Variants in NRXN1 observed in about 807,000 individuals in gnomAD.
The protein encoded by NRXN1 is neurexin 1.
NRXN1 carries 39 observed loss-of-function variants against 150.9 expected under a neutral mutation model. The ratio of observed to expected loss-of-function variants is 0.26; its 90% confidence interval spans 0.20 to 0.34. The LOEUF (loss-of-function observed/expected upper bound fraction) is 0.34. Among genes scored for constraint, NRXN1 ranks in the 10% least tolerant of loss-of-function variants. The pLI, the probability that NRXN1 is intolerant of heterozygous loss-of-function variation, is 1.00. For synonymous variants in NRXN1, 924 were observed against 757.0 expected, an observed-to-expected ratio of 1.22 and a Z score of -3.62; for missense variants, 1,815 against 1,949.9, an observed-to-expected ratio of 0.93 and a Z score of 1.30.
intron 19 of NRXN1, among the ~76,000 whole-genome samples, chr2:50,089,572 A>C (rs1479384614): frequency 1.3e-5 from 2 of 152,186 alleles, no homozygotes; most frequent in Admixed American, 6.5e-5. Flanking sequence ...AGATCACTTA[A>C]GGTCAGGTGT....
intron 8 of NRXN1, among the ~76,000 whole-genome samples, chr2:50,559,632 A>C (rs12713108): frequency 0.41 from 63,008 of 151,912 alleles, 15,018 homozygotes; most frequent in African/African-American, 0.66. Flanking sequence ...CCTACACACA[A>C]CCAGAGTTTA....
chr2:50,093,368 C>A (rs918928374), intron 18 of NRXN1, among the ~76,000 whole-genome samples: 2 of 150,874 alleles, frequency 1.3e-5, no homozygotes, highest in African/African-American at 4.9e-5. Context: ...ATAATCCCAG[C>A]AGTTTGGGAG....
At chr2:50,333,568 G>T (rs2076968245) in intron 17 of NRXN1, among the ~76,000 whole-genome samples, 1 of 151,972 alleles carries the variant, frequency 6.6e-6, no homozygotes, top group Non-Finnish European at 1.5e-5. Context: ...AAAGCAACTG[G>T]AAAATGGAAA....
At chr2:50,124,266 G>A (rs1704262691) in intron 18 of NRXN1, among the ~76,000 whole-genome samples, 1 of 152,088 alleles carries the variant, frequency 6.6e-6, no homozygotes. Flanking sequence ...ACCTTAATAA[G>A]AATATTGAAT....
chr2:50,675,561 T>C (rs1290123886), intron 5 of NRXN1, among the ~76,000 whole-genome samples: 2 of 152,140 alleles, frequency 1.3e-5, no homozygotes, highest in East Asian at 3.9e-4. Flanking sequence ...AACTAGAAGA[T>C]TCCTTTTGGG....
chr2:50,799,901 T>TACAC (rs562189757), intron 5 of NRXN1, among the ~76,000 whole-genome samples: 1 of 151,342 alleles, frequency 6.6e-6, no homozygotes, highest in Non-Finnish European at 1.5e-5. Context: ...CAAACACACA[T>TACAC]ACACACACAC....
chr2:50,445,387 C>T (rs2086310596), intron 17 of NRXN1, among the ~76,000 whole-genome samples: 1 of 152,126 alleles, frequency 6.6e-6, no homozygotes. Context: ...AGCTTTTATC[C>T]ACATAACTCT....
intron 17 of NRXN1, among the ~76,000 whole-genome samples, chr2:50,257,452 T>C (rs1237036494): frequency 6.6e-6 from 1 of 152,094 alleles, no homozygotes; most frequent in Non-Finnish European, 1.5e-5. Flanking sequence ...TAGAAAACTT[T>C]TAAATACTTT....
chr2:50,552,318 C>T (rs1468393797), intron 9 of NRXN1, among the ~76,000 whole-genome samples: 2 of 152,030 alleles, frequency 1.3e-5, no homozygotes, highest in African/African-American at 4.8e-5. Flanking sequence ...AAATTTTCTG[C>T]AAGATTTGGC....
chr2:50,786,429 C>T (rs985475619), intron 5 of NRXN1, among the ~76,000 whole-genome samples: 1 of 152,120 alleles, frequency 6.6e-6, no homozygotes, highest in African/African-American at 2.4e-5. Context: ...GAAACCACTG[C>T]GTGCACTTTT....
chr2:50,974,786 A>G (rs1695566254), intron 2 of NRXN1, among the ~76,000 whole-genome samples: 1 of 152,200 alleles, frequency 6.6e-6, no homozygotes, highest in African/African-American at 2.4e-5. Flanking sequence ...ACAGTGCCTA[A>G]TAATTTGCAT....
chr2:50,649,926 A>G (rs1232643155), intron 5 of NRXN1, among the ~76,000 whole-genome samples: 2 of 152,002 alleles, frequency 1.3e-5, no homozygotes, highest in Non-Finnish European at 2.9e-5. Context: ...GGTCATCTAC[A>G]TTCTCACTGT....
intron 18 of NRXN1, among the ~76,000 whole-genome samples, chr2:50,112,754 C>G (rs1429479455): frequency 6.6e-6 from 1 of 151,950 alleles, no homozygotes; most frequent in Non-Finnish European, 1.5e-5. Flanking sequence ...AAATTCATAC[C>G]TGCCTCAGAG....
At chr2:50,260,629 GTTTTTT>G (rs10601394) in intron 17 of NRXN1, among the ~76,000 whole-genome samples, 2 of 113,064 alleles carry the variant, frequency 1.8e-5, no homozygotes, top group African/African-American at 3.3e-5. Flanking sequence ...TTTTTTTTCC[GTTTTTT>G]TTTTTTTTTT....
chr2:50,263,101 T>C (rs2068466277), intron 17 of NRXN1, among the ~76,000 whole-genome samples: 1 of 151,644 alleles, frequency 6.6e-6, no homozygotes. Flanking sequence ...TTTAAAGCAC[T>C]AATTGGAGAC....
At chr2:50,511,607 T>C (rs2092454673) in intron 12 of NRXN1, among the ~76,000 whole-genome samples, 2 of 152,208 alleles carry the variant, frequency 1.3e-5, no homozygotes, top group South Asian at 2.1e-4. Flanking sequence ...CAGTTTTCCT[T>C]AATTCAGTGT....
intron 5 of NRXN1, among the ~76,000 whole-genome samples, chr2:50,799,706 T>G (rs1236091628): frequency 6.6e-6 from 1 of 152,210 alleles, no homozygotes; most frequent in Non-Finnish European, 1.5e-5. Flanking sequence ...TGTAGCCTAA[T>G]GTGCGTGCTC....
intron 8 of NRXN1, among the ~76,000 whole-genome samples, chr2:50,583,541 G>T (rs748324541): frequency 2.6e-5 from 4 of 152,142 alleles, no homozygotes; most frequent in Non-Finnish European, 4.4e-5. Context: ...TGAGGTTAGA[G>T]ACTACATCAT....
chr2:50,904,330 T>C (rs1321570091), intron 5 of NRXN1, among the ~76,000 whole-genome samples: 1 of 151,890 alleles, frequency 6.6e-6, no homozygotes, highest in African/African-American at 2.4e-5. Context: ...GCAGCCCCAC[T>C]CTCTTTCTAC....
Sources: gnomAD v4.1 joint callset for allele counts (sites outside exome capture counted in the v4.1 genomes callset) on GRCh38, gnomAD v4.1.1 for gene constraint, MANE v1.5 for transcripts, NCBI Gene and HGNC (gene_info 2026-07-23, HGNC 2026-07-21) for gene names.